UNC5C: variants seen among roughly 807,000 people sequenced by gnomAD.
UNC5C encodes the protein netrin receptor UNC5C.
Under a neutral mutation model 99.8 loss-of-function variants are expected in UNC5C, and 47 were observed. That is an observed-to-expected ratio of 0.47 (90% CI 0.37 to 0.60). The LOEUF is 0.60. Among genes scored for constraint, UNC5C ranks in the 20% least tolerant of loss-of-function variants. The pLI is 0.00. For synonymous variants in UNC5C, 487 were observed against 452.2 expected (o/e 1.08, Z -0.98); for missense variants, 1,062 against 1,165.9 (o/e 0.91, Z 1.30).
intron 1 of UNC5C, among the ~76,000 whole-genome samples, chr4:95,452,300 T>C (rs1463304669): frequency 6.6e-6 from 1 of 152,126 alleles, no homozygotes; most frequent in African/African-American, 2.4e-5. Context: ...AAGAGCAGCA[T>C]GAGATTTCCA....
chr4:95,481,218 GACAA>G (rs1165676225), intron 1 of UNC5C, among the ~76,000 whole-genome samples: 2 of 151,920 alleles, frequency 1.3e-5, no homozygotes, highest in African/African-American at 2.4e-5. Flanking sequence ...ACCAATAACA[GACAA>G]ACAGAGAGCC....
intron 1 of UNC5C, among the ~76,000 whole-genome samples, chr4:95,543,673 G>A (rs1026895077): frequency 7.2e-5 from 11 of 152,154 alleles, no homozygotes; most frequent in African/African-American, 1.2e-4. Context: ...ATCCTGGGGT[G>A]TACCTTTTTT....
At chr4:95,546,290 G>A (rs577987542) in intron 1 of UNC5C, among the ~76,000 whole-genome samples, 1 of 152,320 alleles carries the variant, frequency 6.6e-6, no homozygotes, top group South Asian at 2.1e-4. Flanking sequence ...GAATAAGAAG[G>A]AAAAGGAGGT....
intron 1 of UNC5C, among the ~76,000 whole-genome samples, chr4:95,462,898 G>T (rs1307658885): frequency 6.6e-6 from 1 of 152,172 alleles, no homozygotes; most frequent in Admixed American, 6.5e-5. Flanking sequence ...ACAGTTAGGG[G>T]TCATGAGGGG....
intron 1 of UNC5C, among the ~76,000 whole-genome samples, chr4:95,366,927 G>A (rs938981851): frequency 1.3e-5 from 2 of 152,154 alleles, no homozygotes; most frequent in Admixed American, 1.3e-4. Flanking sequence ...GAGGGATATT[G>A]TAAGCCATCA....
At chr4:95,323,088 T>G (rs943834580) in intron 2 of UNC5C, among the ~76,000 whole-genome samples, 1 of 152,228 alleles carries the variant, frequency 6.6e-6, no homozygotes, top group Admixed American at 6.5e-5. Flanking sequence ...TGACTTGGGT[T>G]TGTATATAGA....
chr4:95,346,273 G>A (rs1743769072), intron 1 of UNC5C, among the ~76,000 whole-genome samples: 1 of 151,846 alleles, frequency 6.6e-6, no homozygotes, highest in Non-Finnish European at 1.5e-5. Context: ...CAAGTAAGGG[G>A]ATCACAGAAG....
At chr4:95,400,381 A>ATTTTTT (rs1553969357) in intron 1 of UNC5C, among the ~76,000 whole-genome samples, 5 of 97,640 alleles carry the variant, frequency 5.1e-5, no homozygotes, top group African/African-American at 2.1e-4. Flanking sequence ...AGTGAGATGA[A>ATTTTTT]TTCTTTTTTT....
intron 2 of UNC5C, among the ~76,000 whole-genome samples, chr4:95,328,463 C>T (rs1742987010): frequency 7.6e-6 from 1 of 132,230 alleles, no homozygotes; most frequent in East Asian, 2.4e-4. Flanking sequence ...TCCAGTCTAT[C>T]ATTGTTGGAC....
intron 14 of UNC5C, among the ~76,000 whole-genome samples, chr4:95,171,099 T>C (rs1326697485): frequency 6.6e-6 from 1 of 152,240 alleles, no homozygotes; most frequent in African/African-American, 2.4e-5. Context: ...GGAGAAATTC[T>C]AATCATTTTC....
At chr4:95,201,816 G>A (rs1402604175) in intron 12 of UNC5C, among the ~76,000 whole-genome samples, 1 of 152,118 alleles carries the variant, frequency 6.6e-6, no homozygotes, top group Non-Finnish European at 1.5e-5. Flanking sequence ...GTGTTAGCCA[G>A]GATGGTCTTG....
intron 10 of UNC5C, among the ~76,000 whole-genome samples, chr4:95,207,905 A>G (rs1737939305): frequency 6.6e-6 from 1 of 152,194 alleles, no homozygotes; most frequent in African/African-American, 2.4e-5. Context: ...ATTTCTCTGT[A>G]TGTATCCTTG....
intron 1 of UNC5C, among the ~76,000 whole-genome samples, chr4:95,510,756 C>T (rs1722049878): frequency 6.6e-6 from 1 of 152,054 alleles, no homozygotes; most frequent in Non-Finnish European, 1.5e-5. Context: ...GTATAAAGTA[C>T]ATTAATGAAT....
At chr4:95,355,329 G>T (rs1417753679) in intron 1 of UNC5C, among the ~76,000 whole-genome samples, 1 of 152,114 alleles carries the variant, frequency 6.6e-6, no homozygotes, top group Admixed American at 6.6e-5. Flanking sequence ...TTATTTTCTT[G>T]TTGAATGTCT....
At chr4:95,304,048 G>A (rs1531866) in intron 2 of UNC5C, among the ~76,000 whole-genome samples, 1 of 151,934 alleles carries the variant, frequency 6.6e-6, no homozygotes, top group African/African-American at 2.4e-5. Flanking sequence ...TCCCACTGGG[G>A]GAACAAACAA....
At chr4:95,252,781 A>G (rs948725526) in intron 4 of UNC5C, among the ~76,000 whole-genome samples, 1 of 152,208 alleles carries the variant, frequency 6.6e-6, no homozygotes, top group Non-Finnish European at 1.5e-5. Context: ...CGTAACACAC[A>G]GTTTATTCAG....
intron 1 of UNC5C, among the ~76,000 whole-genome samples, chr4:95,397,713 TC>T (rs890315782): frequency 6.6e-6 from 1 of 152,200 alleles, no homozygotes; most frequent in African/African-American, 2.4e-5. Context: ...TAAAATTCAA[TC>T]CTTTGGACAA....
intron 2 of UNC5C, among the ~76,000 whole-genome samples, chr4:95,317,158 T>C (rs907772625): frequency 1.3e-5 from 2 of 152,216 alleles, no homozygotes; most frequent in Non-Finnish European, 2.9e-5. Flanking sequence ...CTCTTTCTAA[T>C]GATCTGGGCC....
At chr4:95,524,003 T>C (rs1372731092) in intron 1 of UNC5C, among the ~76,000 whole-genome samples, 2 of 152,164 alleles carry the variant, frequency 1.3e-5, no homozygotes, top group Non-Finnish European at 2.9e-5. Flanking sequence ...GTGATTTAAA[T>C]TCTAGAAATT....
Sources: allele counts gnomAD v4.1 joint callset (sites outside exome capture counted in the v4.1 genomes callset), GRCh38; gene constraint gnomAD v4.1.1; transcripts MANE v1.5; gene names NCBI Gene and HGNC (gene_info 2026-07-23, HGNC 2026-07-21).